PCDHGA6: variants seen among roughly 807,000 people sequenced by gnomAD.
The protein encoded by PCDHGA6 is protocadherin gamma subfamily A, 6, also known as protocadherin gamma-A6.
In PCDHGA6, 41 loss-of-function variants were observed where a neutral mutation model predicts 60.6. That is an observed-to-expected ratio of 0.68 (90% CI 0.53 to 0.88). The LOEUF (loss-of-function observed/expected upper bound fraction) is 0.88, where lower values mean the gene tolerates loss of function less well. Ranked by LOEUF, PCDHGA6 falls within the 40% of genes least tolerant of loss-of-function variation. The probability of loss-of-function intolerance (pLI) is 0.00; values close to 1 mark genes in which losing one functional copy is unlikely to be tolerated. For missense variants in PCDHGA6, 1,312 were observed against 1,203.0 expected (o/e 1.09, Z -1.34); for synonymous variants, 594 against 524.4 (o/e 1.13, Z -1.81).
In PCDHGA6 at chr5:141,404,936, G is replaced by A. The variant is rs755365273; in HGVS notation, c.2424+28429G>A. ...TCTCTCGGCCACTGTCACGCTCACA[G>A]TAGCCATAGCTGACAGCATCCCAGA... is the stretch of plus-strand genomic sequence containing the variant. On this transcript the variant is annotated intron_variant, in intron 1 of 3. Coordinates refer to ENST00000517434, the MANE Select transcript of PCDHGA6 (RefSeq NM_018919.3). 1.9e-6 allele frequency: 3 copies of A among 1,613,858 alleles called. No individual in the cohort carries two copies. The South Asian group carries it at 3.3e-5, about 18-fold the overall frequency.
chr5:141,470,054 C>T (rs895181664), intron 1 of PCDHGA6, among the ~76,000 whole-genome samples: 2 of 152,118 alleles, frequency 1.3e-5, no homozygotes, highest in African/African-American at 4.8e-5. Flanking sequence ...GTTTGAACCC[C>T]GGAGGCAGAG....
Position 141,477,665 on chromosome 5 carries a change from G to T in PCDHGA6, c.2425-17142G>T, listed in dbSNP as rs753814499. ...CTATTTCACAATAAATCGTGACAAT[G>T]GCATAGTGTCATCCTTAGTGCCCCT... is the stretch of plus-strand genomic sequence containing the variant. On this transcript the variant is annotated intron_variant, in intron 1 of 3. Coordinates refer to ENST00000517434, the MANE Select transcript of PCDHGA6 (RefSeq NM_018919.3). The surrounding 1 kb of genome is among the most constrained non-coding windows in gnomAD (Gnocchi z 4.9). 6.2e-7 allele frequency: 1 copy of T among 1,614,182 alleles called. No individual in the cohort carries two copies. The highest frequency in any genetic ancestry group is 8.5e-7 in the Non-Finnish European group (1 of 1,180,038).
chr5:141,409,881 C>T (rs2095330257), intron 1 of PCDHGA6: 1 of 1,612,978 alleles, frequency 6.2e-7, no homozygotes, highest in Non-Finnish European at 8.5e-7. Context: ...GACAACGCAC[C>T]GCGGGTGCTG....
Position 141,395,397 on chromosome 5 carries a change from A to G in PCDHGA6, c.2424+18890A>G. ...GGTGTTACTATAAAATTGAACTCTAATAGTCATAGGTTATTGTTTCATTTG... is the reference window on the plus strand; with the variant it reads ...GGTGTTACTATAAAATTGAACTCTAGTAGTCATAGGTTATTGTTTCATTTG... On this transcript the variant is annotated intron_variant, in intron 1 of 3. Coordinates refer to ENST00000517434, the MANE Select transcript of PCDHGA6 (RefSeq NM_018919.3). The G allele has an allele frequency of 7.8e-6, 7 of 895,314 alleles. No individual in the cohort carries two copies. The South Asian group carries it at 9.5e-5, about 12-fold the overall frequency. 55.5% of individuals were successfully genotyped at this position (895,314 alleles called of 1,614,324 possible). A position where few individuals can be genotyped will look rare whatever the true frequency, so the allele number is the denominator to read the frequency against.
rs3074541 is a variant in PCDHGA6 at position 141,433,358 on chromosome 5, CCTATCTATCTATCTATCTATCTAT to C, written c.2424+56876_2424+56899del. 6 of 503,934 alleles carry C rather than the reference CCTATCTATCTATCTATCTATCTAT, an allele frequency of 1.2e-5. No homozygotes were observed. In the Admixed American group the frequency reaches 1.5e-4, roughly 12 times the overall value. The allele number at this position is 503,934 out of a possible 1,614,324, so 31.2% of individuals were successfully genotyped here. ...ACAGGTGCAAGCCACCTACTGTCTG[CCTATCTATCTATCTATCTATCTAT>C]CTATCTATCTATCTATCTATCTATT... On this transcript the variant is annotated intron_variant, in intron 1 of 3. Transcript: ENST00000517434.
rs534816363 is a variant in PCDHGA6, at chr5:141,456,234, G to T, written c.2425-38573G>T. Among the ~76,000 whole-genome samples the T allele has an allele frequency of 2.2e-4, 33 of 152,224 alleles. 1 individual carries two copies. The South Asian group carries it at 6.9e-3, about 32-fold the overall frequency. On this transcript the variant is annotated intron_variant, in intron 1 of 3. Transcript: ENST00000517434. ...CTGTGGCGATATCAAACTAACTGCT[G>T]TTAGGAGGCTTTGGGCGACCATTGC...
In PCDHGA6 at chr5:141,432,647, C is replaced by T; in HGVS notation, c.2424+56140C>T. On this transcript the variant is annotated intron_variant, in intron 1 of 3. Coordinates refer to ENST00000517434, the MANE Select transcript of PCDHGA6 (RefSeq NM_018919.3). This position sits in a 1 kb window ranked among gnomAD's most constrained non-coding sequence, Gnocchi z 6.0. ...GCACACGGGCGAGGTGCGCACGGCG[C>T]GAGCCCTGCTGGACAGAGACGCGCT... 3 of 1,613,796 alleles carry T rather than the reference C, an allele frequency of 1.9e-6. No homozygotes were observed. Among genetic ancestry groups the T allele is most frequent in the Admixed American group, 1.7e-5 (1 of 60,008 alleles).
chr5:141,392,855 C>T (rs756361613), intron 1 of PCDHGA6: 1 of 1,612,176 alleles, frequency 6.2e-7, no homozygotes, highest in Non-Finnish European at 8.5e-7. Flanking sequence ...GCGAGCTGAT[C>T]CTGCTGTGCG....
At chr5:141,450,836 T>A (rs991599340) in intron 1 of PCDHGA6, among the ~76,000 whole-genome samples, 2 of 149,760 alleles carry the variant, frequency 1.3e-5, no homozygotes, top group African/African-American at 4.9e-5. Flanking sequence ...ATTATTTTTT[T>A]TTTTTTGAGA....
At position 141,493,061 on chromosome 5, in the gene PCDHGA6, C is replaced by G. The variant is rs1386090478; in HGVS notation, c.2425-1746C>G. On this transcript the variant is annotated intron_variant, in intron 1 of 3. Transcript: ENST00000517434. The surrounding 1 kb of genome is among the most constrained non-coding windows in gnomAD (Gnocchi z 4.3). The stretch of plus-strand genomic sequence containing the variant: ...GAGGAAACTACAATAGTAAAAAACA[C>G]AAGTTTCTCCAACTCCAGGAGCTTT... Among the ~76,000 whole-genome samples the G allele has an allele frequency of 6.6e-6, 1 of 152,228 alleles. No individual in the cohort carries two copies. Among genetic ancestry groups the G allele is most frequent in the African/African-American group, 2.4e-5 (1 of 41,446 alleles).
chr5:141,385,560 T>C (rs920911668), intron 1 of PCDHGA6: 33 of 1,307,128 alleles, frequency 2.5e-5, no homozygotes, highest in Non-Finnish European at 3.0e-5. Context: ...ATTTTATAAT[T>C]TCCACCTACT....
At chr5:141,406,198 C>T (rs1363174713) in intron 1 of PCDHGA6, among the ~76,000 whole-genome samples, 1 of 151,806 alleles carries the variant, frequency 6.6e-6, no homozygotes, top group African/African-American at 2.4e-5. Context: ...TCAGCCTTCA[C>T]AGTAGCTAGG....
intron 1 of PCDHGA6, chr5:141,399,856 G>T: frequency 6.2e-7 from 1 of 1,612,894 alleles, no homozygotes; most frequent in South Asian, 1.1e-5. Context: ...GGTGCCGCGC[G>T]CTGCAGAGCC....
At position 141,485,791 on chromosome 5, in the gene PCDHGA6, G is replaced by A; in HGVS notation, c.2425-9016G>A. The A allele has an allele frequency of 6.2e-7, 1 of 1,614,196 alleles. No homozygotes were observed. The highest frequency in any genetic ancestry group is 8.5e-7 in the Non-Finnish European group (1 of 1,180,032). ...AGCCTTTGGATCGAGAGAAGCAATC[G>A]GACTACCGCCTGGTGCTGACTGCTG... On this transcript the variant is annotated intron_variant, in intron 1 of 3. Transcript: ENST00000517434. The surrounding 1 kb of genome is among the most constrained non-coding windows in gnomAD (Gnocchi z 5.7).
Position 141,421,259 on chromosome 5 carries a change from G to C in PCDHGA6, c.2424+44752G>C. The C allele has an allele frequency of 6.2e-7, 1 of 1,609,254 alleles. No individual in the cohort carries two copies. The highest frequency in any genetic ancestry group is 8.5e-7 in the Non-Finnish European group (1 of 1,178,538). The stretch of plus-strand genomic sequence containing the variant: ...AATCGGCTACAGCGCGGGGACCGCA[G>C]TCGGCTGCTGCTGCTGCTGTGCATT... On this transcript the variant is annotated intron_variant, in intron 1 of 3. Transcript: ENST00000517434.
chr5:141,487,340 G>A lies in PCDHGA6; in HGVS notation c.2425-7467G>A, dbSNP rs2099643329. 6.2e-7 allele frequency: 1 copy of A among 1,614,182 alleles called. No individual in the cohort carries two copies. Among genetic ancestry groups the A allele is most frequent in the Admixed American group, 1.7e-5 (1 of 60,024 alleles). The stretch of plus-strand genomic sequence containing the variant: ...GTGTCTTCGTGGGGCAGCCTGTGGA[G>A]TCACATGCTTTCCTGCTGGCACCTG... On this transcript the variant is annotated intron_variant, in intron 1 of 3. Coordinates refer to ENST00000517434, the MANE Select transcript of PCDHGA6 (RefSeq NM_018919.3). This position sits in a 1 kb window ranked among gnomAD's most constrained non-coding sequence, Gnocchi z 5.0.
intron 1 of PCDHGA6, chr5:141,389,997 A>G (rs1278035747): frequency 3.1e-6 from 5 of 1,613,844 alleles, no homozygotes; most frequent in South Asian, 2.2e-5. Flanking sequence ...CCTCGTGGCC[A>G]TGATTCTGGC....
At chr5:141,388,295 C>T (rs766909730) in intron 1 of PCDHGA6, 3 of 1,613,442 alleles carry the variant, frequency 1.9e-6, no homozygotes, top group East Asian at 2.2e-5. Flanking sequence ...CGCAAAATTC[C>T]TTTGAGCTGC....
intron 1 of PCDHGA6, chr5:141,413,690 A>G (rs553462819): frequency 6.2e-7 from 1 of 1,613,702 alleles, no homozygotes; most frequent in Non-Finnish European, 8.5e-7. Flanking sequence ...AACTCCCTGC[A>G]GAGCTATCAG....
Sources: allele counts gnomAD v4.1 joint callset (sites outside exome capture counted in the v4.1 genomes callset), GRCh38; gene constraint gnomAD v4.1.1; non-coding constraint Gnocchi (gnomAD v3.1); transcripts MANE v1.5; gene names NCBI Gene and HGNC (gene_info 2026-07-23, HGNC 2026-07-21).